CHD2: variants seen among roughly 807,000 people sequenced by gnomAD.
The protein encoded by CHD2 is ATP-dependent chromatin remodeler CHD2.
A neutral mutation model predicts 243.9 loss-of-function variants in CHD2; 28 were observed. The ratio of observed to expected loss-of-function variants is 0.11; its 90% CI spans 0.09 to 0.16. The LOEUF is 0.16. Among genes scored for constraint, CHD2 ranks in the 10% least tolerant of loss-of-function variants. The pLI is 1.00. For missense variants in CHD2, 1,386 were observed against 2,209.8 expected (o/e 0.63, Z 7.47); for synonymous variants, 775 against 779.0 (o/e 0.99, Z 0.09).
At position 92,974,953 on chromosome 15, in the gene CHD2, A is replaced by G; in HGVS notation, c.2577+3A>G. ...ACTTCAATGCAGATGGGTCTGAGGTATACTATGCATGGCTTTGTTATTTGA... is the reference window on the plus strand; with the variant it reads ...ACTTCAATGCAGATGGGTCTGAGGTGTACTATGCATGGCTTTGTTATTTGA... On this transcript the variant is annotated splice_donor_region_variant and intron_variant, in intron 20 of 38. Coordinates refer to ENST00000394196, the MANE Select transcript of CHD2 (RefSeq NM_001271.4). The G allele has an allele frequency of 6.2e-7, 1 of 1,612,960 alleles. No individual in the cohort carries two copies. Among genetic ancestry groups the G allele is most frequent in the East Asian group, 2.2e-5 (1 of 44,862 alleles).
intron 37 of CHD2, among the ~76,000 whole-genome samples, chr15:93,018,334 A>C (rs1011420582): frequency 2.0e-5 from 3 of 152,240 alleles, no homozygotes; most frequent in Non-Finnish European, 2.9e-5. Flanking sequence ...ACTGTACATC[A>C]TATTAATGCT....
chr15:92,967,579 GAT>G (rs911092445), intron 17 of CHD2, 66 bp downstream of exon 17: 553 of 1,040,096 alleles, frequency 5.3e-4, no homozygotes, highest in Middle Eastern at 1.8e-3. Context: ...TTAGATAGGA[GAT>G]ATATATATAT....
chr15:92,910,977 A>G (rs2052723576), intron 2 of CHD2, among the ~76,000 whole-genome samples: 1 of 152,204 alleles, frequency 6.6e-6, no homozygotes, highest in South Asian at 2.1e-4. Flanking sequence ...GCTGTAGGTG[A>G]TTGTAATACA....
chr15:92,929,996 G>T (rs1483092770), intron 5 of CHD2, among the ~76,000 whole-genome samples: 1 of 141,848 alleles, frequency 7.0e-6, no homozygotes, highest in African/African-American at 2.6e-5. Context: ...TTAAATAAAT[G>T]TAGGGTATTA....
At position 92,998,594 on chromosome 15, in the gene CHD2, G is replaced by A. The variant is rs1477515958; in HGVS notation, c.3981G>A (p.Lys1327=). ...LLKLLRKGLE[K]KGAVTGGEEA... ...AGCTGCTCAGAAAGGGTCTGGAGAA[G>A]AAGGGGGCTGTGACAGGTGGGGAAG... is the stretch of plus-strand genomic sequence containing the variant. The change falls in exon 31 of 39, where the codon AAG becomes AAA. Residue 1327 remains lysine (K), a synonymous_variant. Coordinates refer to ENST00000394196, the MANE Select transcript of CHD2 (RefSeq NM_001271.4). The surrounding 1 kb of genome is among the most constrained non-coding windows in gnomAD (Gnocchi z 5.1). 6 of 1,612,970 alleles carry A rather than the reference G, an allele frequency of 3.7e-6. No homozygotes were observed. Among genetic ancestry groups the A allele is most frequent in the Non-Finnish European group, 5.1e-6 (6 of 1,179,964 alleles).
chr15:93,012,671 C>A (rs1026752102), intron 36 of CHD2, among the ~76,000 whole-genome samples: 1 of 152,198 alleles, frequency 6.6e-6, no homozygotes, highest in Non-Finnish European at 1.5e-5. Flanking sequence ...GTCCTAAAAT[C>A]ATTTGTTCAC....
chr15:92,994,484 T>C (rs1004379787), intron 28 of CHD2, among the ~76,000 whole-genome samples: 2 of 152,114 alleles, frequency 1.3e-5, no homozygotes, highest in Admixed American at 6.5e-5. Flanking sequence ...TCAAAACTTA[T>C]TTTAAGATAA....
At chr15:92,925,722 C>T (rs191461835) in intron 3 of CHD2, among the ~76,000 whole-genome samples, 225 of 152,192 alleles carry the variant, frequency 1.5e-3, no homozygotes, top group African/African-American at 5.0e-3. Flanking sequence ...TATTTCCTAC[C>T]ATTTGGTTAT....
intron 2 of CHD2, among the ~76,000 whole-genome samples, chr15:92,910,742 T>C (rs1185397301): frequency 6.6e-6 from 1 of 152,210 alleles, no homozygotes; most frequent in East Asian, 1.9e-4. Flanking sequence ...TTCAGTTCCA[T>C]TGTGTGCTTA....
In CHD2 at chr15:92,991,469, T is replaced by C; in HGVS notation, c.3414-7T>C. ...TTTTTAATATGTTTTATTGATCCTA[T>C]TCTTAGGTTCATCAAGGCTTATAAG... is the stretch of plus-strand genomic sequence containing the variant. On this transcript the variant is annotated splice_polypyrimidine_tract_variant and splice_region_variant and intron_variant, in intron 26 of 38. Transcript: ENST00000394196. 6.3e-7 allele frequency: 1 copy of C among 1,598,030 alleles called. No homozygotes were observed. Among genetic ancestry groups the C allele is most frequent in the Non-Finnish European group, 8.6e-7 (1 of 1,167,724 alleles).
chr15:92,955,576 T>A, intron 15 of CHD2, 64 bp downstream of exon 15: 1 of 1,038,672 alleles, frequency 9.6e-7, no homozygotes, highest in Non-Finnish European at 1.4e-6. Context: ...TGGTAGGGTC[T>A]GTTACTGTTC....
rs756812749 is a variant in CHD2 at position 92,979,254 on chromosome 15, G to A, written c.2847G>A (p.Thr949=). The A allele has an allele frequency of 5.5e-5, 89 of 1,613,872 alleles. No homozygotes were observed. In the South Asian group the frequency reaches 9.0e-4, roughly 16 times the overall value. ...AGCGCATGGACACCACTGGCCGGAC[G>A]ATCCTGGAAAACAACTCAGGAAGGT... is the stretch of plus-strand genomic sequence containing the variant. ...VIQRMDTTGR[T]ILENNSGRSN... Residue 949 remains threonine (T), a synonymous_variant, in exon 22 of 39, where the codon ACG becomes ACA. Coordinates refer to ENST00000394196, the MANE Select transcript of CHD2 (RefSeq NM_001271.4).
intron 2 of CHD2, among the ~76,000 whole-genome samples, chr15:92,906,735 C>G (rs989638071): frequency 7.0e-6 from 1 of 143,230 alleles, no homozygotes; most frequent in African/African-American, 2.6e-5. Flanking sequence ...ACTTTGCTTC[C>G]TTGAAGAACT....
chr15:92,924,275 T>C, intron 2 of CHD2, 46 bp from the exon 3 acceptor site: 1 of 1,534,678 alleles, frequency 6.5e-7, no homozygotes, highest in Non-Finnish European at 9.0e-7. Context: ...CAGATTCATG[T>C]GTCAGTTCTT....
intron 22 of CHD2, 57 bp downstream of exon 22, chr15:92,979,340 T>G: frequency 3.2e-6 from 5 of 1,580,632 alleles, no homozygotes; most frequent in Non-Finnish European, 4.3e-6. Flanking sequence ...ACATCACTGT[T>G]GGATATAATA....
chr15:92,951,813 A>G (rs1596403929), intron 13 of CHD2, among the ~76,000 whole-genome samples: 1 of 152,196 alleles, frequency 6.6e-6, no homozygotes, highest in South Asian at 2.1e-4. Flanking sequence ...TGGCTTCATC[A>G]TTCTCCCTTT....
intron 37 of CHD2, among the ~76,000 whole-genome samples, chr15:93,019,802 C>T (rs1014425853): frequency 1.5e-4 from 23 of 151,914 alleles, no homozygotes; most frequent in Admixed American, 9.2e-4. Flanking sequence ...GGCATGGTGG[C>T]GGGTGCCTGT....
intron 26 of CHD2, among the ~76,000 whole-genome samples, chr15:92,990,368 G>A (rs1379879530): frequency 1.3e-5 from 2 of 152,216 alleles, no homozygotes; most frequent in African/African-American, 4.8e-5. Context: ...CCATTTTCTT[G>A]AATAAATTTC....
chr15:92,950,393 T>G lies in CHD2; in HGVS notation c.1502+1317T>G, dbSNP rs573667736. ...GTCCTCGAGAATTTAACAGTGAACC[T>G]ATATAGATGTATTTTGCTGTCCTTA... On this transcript the variant is annotated intron_variant, in intron 13 of 38. Coordinates refer to ENST00000394196, the MANE Select transcript of CHD2 (RefSeq NM_001271.4). 4.6e-5 allele frequency: 7 copies of G among 152,356 alleles called. No individual in the cohort carries two copies. In the East Asian group the frequency reaches 9.6e-4, roughly 21 times the overall value. The allele number at this position is 152,356 out of a possible 1,614,324, so 9.4% of individuals were successfully genotyped here.
Sources: gnomAD v4.1 joint callset for allele counts (sites outside exome capture counted in the v4.1 genomes callset) on GRCh38, gnomAD v4.1.1 for gene constraint, Gnocchi (gnomAD v3.1) non-coding constraint, MANE v1.5 for transcripts, NCBI Gene and HGNC (gene_info 2026-07-23, HGNC 2026-07-21) for gene names.